The following SCN8A variants were observed in gnomAD, a reference collection of about 807,000 sequenced individuals.
SCN8A encodes the protein sodium voltage-gated channel alpha subunit 8.
In SCN8A, 30 loss-of-function variants were observed where a neutral mutation model predicts 184.1. The ratio of observed to expected loss-of-function variants is 0.16; its 90% CI spans 0.12 to 0.22. SCN8A has a LOEUF of 0.22. Ranked by LOEUF, SCN8A falls within the 10% of genes least tolerant of loss-of-function variation. SCN8A has a pLI of 1.00. For missense variants in SCN8A, 1,057 were observed against 2,498.9 expected (o/e 0.42, Z 12.30); for synonymous variants, 852 against 907.0 (o/e 0.94, Z 1.09).
At chr12:51,665,486 G>A (rs1213454099) in intron 2 of SCN8A, among the ~76,000 whole-genome samples, 2 of 152,146 alleles carry the variant, frequency 1.3e-5, no homozygotes, top group Non-Finnish European at 2.9e-5. Flanking sequence ...ATAGCATAAT[G>A]ATTACAAACT....
chr12:51,769,684 T>C (rs1456843609), intron 17 of SCN8A, among the ~76,000 whole-genome samples, 184 bp from the exon 18 acceptor site: 1 of 152,182 alleles, frequency 6.6e-6, no homozygotes, highest in African/African-American at 2.4e-5. Flanking sequence ...GGTTTTGATG[T>C]TATATCCCAT....
chr12:51,798,879 C>T (rs552862536), intron 26 of SCN8A, among the ~76,000 whole-genome samples: 2 of 152,336 alleles, frequency 1.3e-5, no homozygotes, highest in Admixed American at 6.5e-5. Context: ...CCTGACCATC[C>T]AGCCAAACCA....
intron 13 of SCN8A, among the ~76,000 whole-genome samples, chr12:51,749,820 A>T (rs917864645): frequency 6.6e-6 from 1 of 150,838 alleles, no homozygotes. Context: ...ATGTTAGGGA[A>T]TTTTTTTTTT....
intron 1 of SCN8A, among the ~76,000 whole-genome samples, chr12:51,618,143 A>C (rs182687154): frequency 5.1e-4 from 78 of 152,222 alleles, no homozygotes; most frequent in Non-Finnish European, 9.7e-4. Flanking sequence ...CTTGAGAACC[A>C]AATGGCAAGA....
At chr12:51,671,288 G>A (rs575941150) in intron 2 of SCN8A, among the ~76,000 whole-genome samples, 1 of 152,264 alleles carries the variant, frequency 6.6e-6, no homozygotes, top group East Asian at 1.9e-4. Context: ...TTTTCTCCAG[G>A]TTTAACTCGG....
chr12:51,709,116 T>C (rs566243718), intron 11 of SCN8A, among the ~76,000 whole-genome samples: 1 of 152,248 alleles, frequency 6.6e-6, no homozygotes, highest in African/African-American at 2.4e-5. Context: ...AATTAGGTAG[T>C]GTATGTGTGT....
At chr12:51,724,276 A>G (rs1422658350) in intron 12 of SCN8A, among the ~76,000 whole-genome samples, 2 of 152,110 alleles carry the variant, frequency 1.3e-5, no homozygotes, top group Non-Finnish European at 2.9e-5. Flanking sequence ...CAAAACCTCC[A>G]TCTCTACTAA....
At position 51,647,189 on chromosome 12, in the gene SCN8A, A is replaced by G. The variant is rs1034529930; in HGVS notation, c.-54-15575A>G. On this transcript the variant is annotated intron_variant, in intron 1 of 26. Coordinates refer to ENST00000627620, the MANE Select transcript of SCN8A (RefSeq NM_001330260.2). ...TGGGACCCCATCTCTGAATTAAAGG[A>G]AAAAAAAATATCCAAGTACTCAAAG... Among the ~76,000 whole-genome samples, 5 of 151,792 alleles carry G rather than the reference A, an allele frequency of 3.3e-5. No homozygotes were observed. The East Asian group carries it at 5.8e-4, about 18-fold the overall frequency.
At chr12:51,602,503 ATGAGAT>A (rs1369940908) in intron 1 of SCN8A, among the ~76,000 whole-genome samples, 1 of 152,208 alleles carries the variant, frequency 6.6e-6, no homozygotes, top group Non-Finnish European at 1.5e-5. Flanking sequence ...GCTTGAGAAA[ATGAGAT>A]TGTTCTGGAG....
Position 51,810,426 on chromosome 12 carries a change from G to A in SCN8A, c.*2997G>A, listed in dbSNP as rs745822572. On this transcript the variant is annotated 3_prime_UTR_variant, in exon 27 of 27. Coordinates refer to ENST00000627620, the MANE Select transcript of SCN8A (RefSeq NM_001330260.2). Reference sequence around the variant, plus strand: ...TCGAACTGAAAGAATCAGTGATGACGTTTTTGTGCATCTTCGCTGAGTGGG... The same window carrying A: ...TCGAACTGAAAGAATCAGTGATGACATTTTTGTGCATCTTCGCTGAGTGGG... The A allele has an allele frequency of 5.1e-5, 23 of 453,094 alleles. No individual in the cohort carries two copies. Among genetic ancestry groups the A allele is most frequent in the Middle Eastern group, 3.3e-4 (1 of 3,070 alleles). The allele number at this position is 453,094 out of a possible 1,614,324, so 28.1% of individuals were successfully genotyped here.
intron 26 of SCN8A, among the ~76,000 whole-genome samples, chr12:51,802,244 A>G (rs1341680063): frequency 1.3e-5 from 2 of 152,174 alleles, no homozygotes; most frequent in African/African-American, 4.8e-5. Flanking sequence ...TGTTGCCTCA[A>G]GCATTGCAGG....
chr12:51,612,591 A>T (rs950244900), intron 1 of SCN8A, among the ~76,000 whole-genome samples: 1 of 152,224 alleles, frequency 6.6e-6, no homozygotes, highest in Non-Finnish European at 1.5e-5. Context: ...TGATATGATC[A>T]TATGATTTTT....
chr12:51,690,258 T>C (rs894235899), intron 6 of SCN8A, among the ~76,000 whole-genome samples: 1 of 152,236 alleles, frequency 6.6e-6, no homozygotes, highest in Non-Finnish European at 1.5e-5. Flanking sequence ...TTCGTAGAAA[T>C]AGGAATGTGG....
intron 1 of SCN8A, among the ~76,000 whole-genome samples, chr12:51,645,926 GA>G (rs1940575282): frequency 8.3e-6 from 1 of 119,868 alleles, no homozygotes; most frequent in Non-Finnish European, 1.7e-5. Flanking sequence ...CCCCCTCTGC[GA>G]GAAACACCCA....
intron 12 of SCN8A, among the ~76,000 whole-genome samples, chr12:51,745,471 G>C (rs1235244426): frequency 1.3e-5 from 2 of 152,188 alleles, no homozygotes; most frequent in Non-Finnish European, 2.9e-5. Context: ...TCAGGGACTT[G>C]ACTTTAATGA....
At chr12:51,679,130 C>T (rs1400649420) in intron 2 of SCN8A, among the ~76,000 whole-genome samples, 2 of 151,552 alleles carry the variant, frequency 1.3e-5, no homozygotes, top group Non-Finnish European at 2.9e-5. Context: ...GGTGCAGTGG[C>T]TCACAGCTAT....
intron 1 of SCN8A, among the ~76,000 whole-genome samples, chr12:51,648,569 G>A (rs1036992281): frequency 1.3e-5 from 2 of 152,124 alleles, no homozygotes; most frequent in African/African-American, 4.8e-5. Flanking sequence ...GGCAGGAGGC[G>A]AAAGGCAATT....
At chr12:51,663,953 A>G (rs1055353549) in intron 2 of SCN8A, among the ~76,000 whole-genome samples, 2 of 112,152 alleles carry the variant, frequency 1.8e-5, no homozygotes, top group Non-Finnish European at 3.3e-5. Context: ...TCTGTCGCCC[A>G]GGCTGGAGTG....
At chr12:51,730,934 C>A (rs393897) in intron 12 of SCN8A, among the ~76,000 whole-genome samples, 134,651 of 152,268 alleles carry the variant, frequency 0.88, 59,767 homozygotes, top group East Asian at 0.98. Context: ...ATTGATTTTT[C>A]GATCCCACAG....
Sources: gnomAD v4.1 joint callset for allele counts (sites outside exome capture counted in the v4.1 genomes callset) on GRCh38, gnomAD v4.1.1 for gene constraint, MANE v1.5 for transcripts, NCBI Gene and HGNC (gene_info 2026-07-23, HGNC 2026-07-21) for gene names.